Variants in NCAPD3 observed in about 807,000 individuals in gnomAD.
NCAPD3 encodes the protein condensin-2 complex subunit D3.
In NCAPD3, 105 loss-of-function variants were observed where a neutral mutation model predicts 182.9. The ratio of observed to expected loss-of-function variants is 0.57; its 90% CI spans 0.49 to 0.68. The LOEUF (loss-of-function observed/expected upper bound fraction) is 0.68. NCAPD3 is among the 30% of genes least tolerant of loss of function. The pLI is 0.00. For synonymous variants in NCAPD3, 815 were observed against 679.9 expected (o/e 1.20, Z -3.09); for missense variants, 1,944 against 1,837.0 (o/e 1.06, Z -1.07).
intron 28 of NCAPD3, among the ~76,000 whole-genome samples, chr11:134,161,562 G>A (rs943848524): frequency 1.1e-4 from 16 of 152,208 alleles, no homozygotes; most frequent in African/African-American, 3.6e-4. Flanking sequence ...ACAGTGGGCC[G>A]GCTCTTCACG....
In NCAPD3 at chr11:134,209,162, A is replaced by T. The variant is rs1360163765; in HGVS notation, c.777T>A (p.Cys259Ter). Residue 259 changes from cysteine to a stop codon, truncating the protein, a stop_gained, in exon 6 of 35, where the codon TGT becomes TGA. Transcript: ENST00000534548. LOFTEE classifies it high-confidence loss of function. ...TGGCTCACCTGGCTTGTGTAACATG[A>T]CATTCATGAAGAACTGGCTCAAAAT... is the stretch of plus-strand genomic sequence containing the variant. Reference protein sequence around the residue: ...LTNFEPVLHECHVTQARALNQ... With the variant: ...LTNFEPVLHE 6.2e-7 allele frequency: 1 copy of T among 1,613,550 alleles called. No individual in the cohort carries two copies. The highest frequency in any genetic ancestry group is 8.5e-7 in the Non-Finnish European group (1 of 1,179,752).
chr11:134,174,295 A>C (rs1462417437), intron 24 of NCAPD3, among the ~76,000 whole-genome samples: 1 of 144,158 alleles, frequency 6.9e-6, no homozygotes, highest in Non-Finnish European at 1.5e-5. Context: ...AGGTGGGAGG[A>C]TCACTTGAGC....
At chr11:134,220,918 G>A (rs1035283812) in intron 1 of NCAPD3, among the ~76,000 whole-genome samples, 192 bp from the exon 2 acceptor site, 5 of 151,988 alleles carry the variant, frequency 3.3e-5, no homozygotes, top group Admixed American at 3.3e-4. Flanking sequence ...AATCACAACT[G>A]ACACTGACTA....
At chr11:134,168,789 TGCCAAGCCACA>T in intron 25 of NCAPD3, 117 bp downstream of exon 25, 1 of 1,409,250 alleles carries the variant, frequency 7.1e-7, no homozygotes, top group Non-Finnish European at 9.6e-7. Context: ...TACGCCATCC[TGCCAAGCCACA>T]GTAAAGACCT....
chr11:134,183,577 A>C (rs1456957655), intron 19 of NCAPD3, among the ~76,000 whole-genome samples: 1 of 152,184 alleles, frequency 6.6e-6, no homozygotes, highest in Non-Finnish European at 1.5e-5. Context: ...CAAAAATAAA[A>C]ATAAAAGTTT....
At chr11:134,164,677 C>T (rs1169577234) in intron 27 of NCAPD3, among the ~76,000 whole-genome samples, 1 of 148,780 alleles carries the variant, frequency 6.7e-6, no homozygotes, top group Non-Finnish European at 1.5e-5. Context: ...GGGGGAGCTG[C>T]ACACTCACTT....
intron 16 of NCAPD3, among the ~76,000 whole-genome samples, chr11:134,189,179 T>C (rs1407596210): frequency 1.3e-5 from 2 of 152,256 alleles, no homozygotes; most frequent in East Asian, 3.8e-4. Flanking sequence ...ACATTTGTAG[T>C]TGTATCACCC....
At chr11:134,220,381 A>T (rs1160821695) in intron 2 of NCAPD3, among the ~76,000 whole-genome samples, 191 bp downstream of exon 2, 1 of 151,998 alleles carries the variant, frequency 6.6e-6, no homozygotes, top group Admixed American at 6.6e-5. Flanking sequence ...AAAAAAAATC[A>T]GACAAGTACC....
chr11:134,220,438 C>A, intron 2 of NCAPD3, 134 bp downstream of exon 2: 2 of 770,604 alleles, frequency 2.6e-6, no homozygotes, highest in East Asian at 2.6e-5. Context: ...ATAAATTAAC[C>A]ACATTCTTTA....
chr11:134,194,523 T>C, intron 14 of NCAPD3, 142 bp downstream of exon 14: 2 of 554,620 alleles, frequency 3.6e-6, no homozygotes, highest in South Asian at 3.0e-5. Context: ...CTATGATTCA[T>C]ATACAACAGG....
At chr11:134,197,985 T>C (rs1472505554) in intron 13 of NCAPD3, among the ~76,000 whole-genome samples, 1 of 152,166 alleles carries the variant, frequency 6.6e-6, no homozygotes, top group Non-Finnish European at 1.5e-5. Context: ...CAAAGAAGTC[T>C]ACTCTTTGAC....
chr11:134,185,661 G>A (rs1022343117), intron 16 of NCAPD3, 135 bp from the exon 17 acceptor site: 7 of 593,654 alleles, frequency 1.2e-5, no homozygotes, highest in Admixed American at 3.6e-5. Flanking sequence ...ATATGTAGAC[G>A]TTCCTAATTA....
At chr11:134,209,813 G>A (rs920110696) in intron 4 of NCAPD3, 10 of 238,206 alleles carry the variant, frequency 4.2e-5, no homozygotes, top group South Asian at 1.6e-4. Flanking sequence ...TAACCCCAGC[G>A]GGAGGCCAAG....
chr11:134,164,248 A>G (rs1943688565), intron 27 of NCAPD3, among the ~76,000 whole-genome samples: 1 of 152,224 alleles, frequency 6.6e-6, no homozygotes, highest in Admixed American at 6.5e-5. Flanking sequence ...CTGACACACC[A>G]GACTCCAGTC....
intron 17 of NCAPD3, 102 bp from the exon 18 acceptor site, chr11:134,185,102 G>T: frequency 2.9e-6 from 3 of 1,037,570 alleles, no homozygotes; most frequent in South Asian, 2.7e-5. Context: ...AAGCAGGGTA[G>T]GTAGCATGGC....
In NCAPD3 at chr11:134,157,154, A is replaced by T. The variant is rs1943444814; in HGVS notation, c.4175-59T>A. 14 of 1,372,226 alleles carry T rather than the reference A, an allele frequency of 1.0e-5. No individual in the cohort carries two copies. In the South Asian group the frequency reaches 1.8e-4, roughly 17 times the overall value. 85.0% of individuals were successfully genotyped at this position (1,372,226 alleles called of 1,614,324 possible). A position where few individuals can be genotyped will look rare whatever the true frequency, so the allele number is the denominator to read the frequency against. ...CCCCCAAACAATAACGAAGAGCAAA[A>T]CAACCACATGAGAAAACATATCTGC... On this transcript the variant is annotated intron_variant, in intron 31 of 34. Transcript: ENST00000534548.
chr11:134,211,500 A>G (rs1180761304), intron 3 of NCAPD3, among the ~76,000 whole-genome samples: 6 of 151,932 alleles, frequency 3.9e-5, no homozygotes, highest in South Asian at 4.1e-4. Flanking sequence ...ATACAGGGGG[A>G]AAAAAAACAA....
At chr11:134,224,287 C>G (rs530962608), upstream of NCAPD3, 13 of 350,346 alleles carry the variant, frequency 3.7e-5, no homozygotes, top group Non-Finnish European at 6.8e-5. Flanking sequence ...TAACTGTCAC[C>G]TTTGCCCTCG....
At chr11:134,185,099 G>A (rs1944376175) in intron 17 of NCAPD3, 99 bp from the exon 18 acceptor site, 1 of 1,063,434 alleles carries the variant, frequency 9.4e-7, no homozygotes, top group African/African-American at 1.6e-5. Context: ...AGGAAGCAGG[G>A]TAGGTAGCAT....
Sources: gnomAD v4.1 joint callset for allele counts (sites outside exome capture counted in the v4.1 genomes callset) on GRCh38, gnomAD v4.1.1 for gene constraint, MANE v1.5 for transcripts, NCBI Gene and HGNC (gene_info 2026-07-23, HGNC 2026-07-21) for gene names.